DHRSX: variants seen among roughly 807,000 people sequenced by gnomAD.
The protein encoded by DHRSX is dehydrogenase/reductase X-linked.
DHRSX carries 31 observed loss-of-function variants against 34.0 expected under a neutral mutation model. The ratio of observed to expected loss-of-function variants is 0.91; its 90% confidence interval spans 0.69 to 1.23. The LOEUF is 1.23. Ranked by LOEUF, DHRSX falls within the 50% of genes most tolerant of loss-of-function variation. The pLI is 0.00. For missense variants in DHRSX, 414 were observed against 428.1 expected (o/e 0.97, Z 0.29); for synonymous variants, 201 against 183.8 (o/e 1.09, Z -0.76).
chrX:2,470,171 G>A (rs750420732), intron 1 of DHRSX, among the ~76,000 whole-genome samples: 11 of 150,266 alleles, frequency 7.3e-5, no homozygotes, highest in Middle Eastern at 3.2e-3. Context: ...GTATCATCTC[G>A]TATGTAGAAT....
At chrX:2,364,336 C>A (rs184030233) in intron 3 of DHRSX, among the ~76,000 whole-genome samples, 4 of 152,194 alleles carry the variant, frequency 2.6e-5, no homozygotes, top group Admixed American at 6.5e-5. Flanking sequence ...TGGGTGGAGC[C>A]CAGGGATCCT....
At chrX:2,395,917 T>C (rs1293928970) in intron 3 of DHRSX, among the ~76,000 whole-genome samples, 1 of 152,164 alleles carries the variant, frequency 6.6e-6, no homozygotes, top group Admixed American at 6.5e-5. Flanking sequence ...CTCCCGAGGC[T>C]GCTGTGACAA....
At chrX:2,325,234 C>G (rs953584777) in intron 3 of DHRSX, among the ~76,000 whole-genome samples, 1 of 151,928 alleles carries the variant, frequency 6.6e-6, no homozygotes, top group African/African-American at 2.4e-5. Flanking sequence ...TCCATCTTCC[C>G]GGGAGGAACT....
chrX:2,247,108 C>A (rs1217695113), intron 5 of DHRSX, among the ~76,000 whole-genome samples: 3 of 151,970 alleles, frequency 2.0e-5, no homozygotes, highest in African/African-American at 7.3e-5. Flanking sequence ...ACCACCATGC[C>A]CAGATAATTT....
At chrX:2,344,769 T>G (rs1226810185) in intron 3 of DHRSX, among the ~76,000 whole-genome samples, 1 of 150,906 alleles carries the variant, frequency 6.6e-6, no homozygotes, top group Admixed American at 6.6e-5. Context: ...ATGTAGATGA[T>G]GGGTTGATGG....
At chrX:2,456,571 AGCACT>A (rs1303306879) in intron 1 of DHRSX, among the ~76,000 whole-genome samples, 1 of 149,288 alleles carries the variant, frequency 6.7e-6, no homozygotes, top group Non-Finnish European at 1.5e-5. Flanking sequence ...CTGACATCAC[AGCACT>A]GCACTCCAGC....
intron 1 of DHRSX, among the ~76,000 whole-genome samples, chrX:2,444,485 C>T (rs776782098): frequency 3.3e-5 from 5 of 152,214 alleles, no homozygotes; most frequent in Admixed American, 6.5e-5. Context: ...GGGCGGCAGA[C>T]GGGACAGTGT....
At chrX:2,300,613 A>G (rs1250442820) in intron 3 of DHRSX, among the ~76,000 whole-genome samples, 3 of 152,164 alleles carry the variant, frequency 2.0e-5, no homozygotes, top group Admixed American at 6.6e-5. Flanking sequence ...CTCCCATGCT[A>G]CAGCTTTCTC....
At chrX:2,398,231 G>C (rs2043439058) in intron 3 of DHRSX, among the ~76,000 whole-genome samples, 2 of 152,184 alleles carry the variant, frequency 1.3e-5, no homozygotes, top group African/African-American at 4.8e-5. Context: ...ACTCATCTCA[G>C]AAACAGCCTT....
intron 1 of DHRSX, among the ~76,000 whole-genome samples, chrX:2,452,022 G>A (rs889772561): frequency 2.6e-5 from 4 of 151,940 alleles, no homozygotes; most frequent in Non-Finnish European, 4.4e-5. Flanking sequence ...TAAGTATGTG[G>A]TTAAGGGACT....
At chrX:2,282,806 GAGAGAA>G (rs1342452034) in intron 4 of DHRSX, among the ~76,000 whole-genome samples, 3 of 69,544 alleles carry the variant, frequency 4.3e-5, no homozygotes, top group Non-Finnish European at 6.8e-5. Context: ...AAAGAGAGAA[GAGAGAA>G]AGAGAGAGAG....
At chrX:2,401,561 T>C (rs1467683720) in intron 3 of DHRSX, among the ~76,000 whole-genome samples, 1 of 152,206 alleles carries the variant, frequency 6.6e-6, no homozygotes. Flanking sequence ...GGTTCCACCA[T>C]GGCATGTACG....
chrX:2,500,352 C>T (rs2045386119), intron 1 of DHRSX: 2 of 179,774 alleles, frequency 1.1e-5, no homozygotes, highest in East Asian at 1.4e-4. Flanking sequence ...ACGCCCGCTC[C>T]TCCCCTCCGG....
At chrX:2,471,319 C>T (rs1292210915) in intron 1 of DHRSX, among the ~76,000 whole-genome samples, 1 of 152,142 alleles carries the variant, frequency 6.6e-6, no homozygotes, top group African/African-American at 2.4e-5. Context: ...GTCATCCCAG[C>T]GCTTTGGGAG....
At chrX:2,409,100 G>C (rs2043595051) in intron 2 of DHRSX, among the ~76,000 whole-genome samples, 1 of 152,126 alleles carries the variant, frequency 6.6e-6, no homozygotes. Flanking sequence ...GGTGTAATTT[G>C]CACGTGAGAG....
chrX:2,418,915 C>T (rs1260240077), intron 2 of DHRSX, among the ~76,000 whole-genome samples: 3 of 49,952 alleles, frequency 6.0e-5, no homozygotes, highest in Non-Finnish European at 6.3e-5. Flanking sequence ...CAAGCTAAAT[C>T]TCAGAACCCC....
At chrX:2,347,188 A>T (rs1282414345) in intron 3 of DHRSX, among the ~76,000 whole-genome samples, 2 of 152,200 alleles carry the variant, frequency 1.3e-5, no homozygotes, top group African/African-American at 4.8e-5. Flanking sequence ...TGGCTGGGGA[A>T]GCCTCACAAT....
In DHRSX at chrX:2,291,364, C is replaced by A. The variant is rs2041863207; in HGVS notation, c.388+138G>T. ...CCAAAGCTATCCGTGAAATGAAGCA[C>A]TGACTAGAAATAGCAGGTATGTTCA... is the stretch of plus-strand genomic sequence containing the variant. On this transcript the variant is annotated intron_variant, in intron 4 of 6. Coordinates refer to ENST00000334651, the MANE Select transcript of DHRSX (RefSeq NM_145177.3). The A allele has an allele frequency of 4.3e-5, 30 of 701,270 alleles. No individual in the cohort carries two copies. The Middle Eastern group carries it at 8.9e-4, about 21-fold the overall frequency. 43.4% of individuals were successfully genotyped at this position (701,270 alleles called of 1,614,324 possible).
At chrX:2,385,108 A>ATGTGTGTGTG (rs1273797831) in intron 3 of DHRSX, among the ~76,000 whole-genome samples, 20,020 of 121,918 alleles carry the variant, frequency 0.16, 1,882 homozygotes, top group Admixed American at 0.3. Context: ...TCTCAAATAT[A>ATGTGTGTGTG]TATGTGTGTG....
Sources: gnomAD v4.1 joint callset for allele counts (sites outside exome capture counted in the v4.1 genomes callset) on GRCh38, gnomAD v4.1.1 for gene constraint, MANE v1.5 for transcripts, NCBI Gene and HGNC (gene_info 2026-07-23, HGNC 2026-07-21) for gene names.